BCKDHB: variants seen among roughly 807,000 people sequenced by gnomAD.
BCKDHB encodes the protein branched chain keto acid dehydrogenase E1 subunit beta.
In BCKDHB, 41 loss-of-function variants were observed where a neutral mutation model predicts 48.5. The ratio of observed to expected loss-of-function variants is 0.85; its 90% CI spans 0.66 to 1.10. The LOEUF is 1.10. BCKDHB is among the 50% of genes least tolerant of loss of function. The pLI is 0.00. For missense variants in BCKDHB, 496 were observed against 494.2 expected, an observed-to-expected ratio of 1.00 and a Z score of -0.03; for synonymous variants, 201 against 174.8, an observed-to-expected ratio of 1.15 and a Z score of -1.18.
At chr6:80,129,276 A>G (rs1444582107) in intron 3 of BCKDHB, 47 bp downstream of exon 3, 1 of 1,484,292 alleles carries the variant, frequency 6.7e-7, no homozygotes, top group Non-Finnish European at 9.4e-7. Context: ...ACTTTTACTA[A>G]AAGATCTTAA....
At chr6:80,383,910 T>A in the BCKDHB span, among the ~76,000 whole-genome samples, 1 of 152,114 alleles carries the variant, frequency 6.6e-6, no homozygotes, top group Admixed American at 6.6e-5. Flanking sequence ...AATAAGAAAA[T>A]AGATATTAAA....
chr6:80,300,473 A>G (rs998660793), intron 9 of BCKDHB, among the ~76,000 whole-genome samples: 2 of 152,232 alleles, frequency 1.3e-5, no homozygotes, highest in African/African-American at 2.4e-5. Context: ...TCCTAAATGT[A>G]TACATACCCA....
chr6:80,213,501 C>T (rs1299380107), intron 8 of BCKDHB, among the ~76,000 whole-genome samples: 10 of 151,954 alleles, frequency 6.6e-5, no homozygotes, highest in Admixed American at 2.0e-4. Context: ...TGGGTCTGTC[C>T]TGAATTTCGT....
At chr6:80,392,242 C>T in the BCKDHB span, among the ~76,000 whole-genome samples, 1 of 152,136 alleles carries the variant, frequency 6.6e-6, no homozygotes, top group South Asian at 2.1e-4. Flanking sequence ...GATCCACCCA[C>T]CTCGGCCTCC....
intron 9 of BCKDHB, among the ~76,000 whole-genome samples, chr6:80,332,313 G>A (rs1005233606): frequency 6.6e-6 from 1 of 152,104 alleles, no homozygotes; most frequent in Non-Finnish European, 1.5e-5. Flanking sequence ...TACATTTTAA[G>A]GTTAATTTAA....
intron 3 of BCKDHB, among the ~76,000 whole-genome samples, chr6:80,142,069 G>T (rs1329857396): frequency 6.6e-6 from 1 of 151,924 alleles, no homozygotes; most frequent in African/African-American, 2.4e-5. Flanking sequence ...CAAGACCAGT[G>T]AATTTTCATT....
intron 9 of BCKDHB, among the ~76,000 whole-genome samples, chr6:80,304,819 C>A (rs1221782284): frequency 6.6e-6 from 1 of 152,018 alleles, no homozygotes; most frequent in African/African-American, 2.4e-5. Context: ...GAAAACTATA[C>A]CATTTCAGTG....
the BCKDHB span, among the ~76,000 whole-genome samples, chr6:80,424,457 G>C: frequency 1.3e-5 from 2 of 152,010 alleles, no homozygotes; most frequent in African/African-American, 4.8e-5. Context: ...ATATAACCCA[G>C]ATTAATGCAA....
the BCKDHB span, among the ~76,000 whole-genome samples, chr6:80,351,645 C>T: frequency 0.2 from 24,512 of 121,916 alleles, 2,865 homozygotes; most frequent in South Asian, 0.36. Context: ...TTTTTTTTTT[C>T]TTTTTTTTTT....
intron 8 of BCKDHB, among the ~76,000 whole-genome samples, chr6:80,262,348 T>C (rs1469883699): frequency 6.6e-6 from 1 of 152,124 alleles, no homozygotes; most frequent in East Asian, 1.9e-4. Flanking sequence ...CTGAATTTTT[T>C]TGACCGTGGT....
chr6:80,461,442 A>C, the BCKDHB span, among the ~76,000 whole-genome samples: 1 of 151,964 alleles, frequency 6.6e-6, no homozygotes, highest in Non-Finnish European at 1.5e-5. Flanking sequence ...ACTGCCTTAG[A>C]CTCCTAACTG....
At chr6:80,453,254 A>G in the BCKDHB span, 56 of 152,290 alleles carry the variant, frequency 3.7e-4, no homozygotes, top group African/African-American at 1.3e-3. Context: ...AGCAGCAAAG[A>G]GAAGATGGTA....
At chr6:80,395,743 A>G in the BCKDHB span, among the ~76,000 whole-genome samples, 3 of 152,164 alleles carry the variant, frequency 2.0e-5, no homozygotes, top group Admixed American at 1.3e-4. Context: ...GAGAACCTCA[A>G]TGCAGCCCCT....
rs775798472 is a variant in BCKDHB at position 80,200,919 on chromosome 6, C to G, written c.743-15C>G. 6.4e-7 allele frequency: 1 copy of G among 1,557,540 alleles called. No individual in the cohort carries two copies. Among genetic ancestry groups the G allele is most frequent in the East Asian group, 2.3e-5 (1 of 44,426 alleles). On this transcript the variant is annotated splice_polypyrimidine_tract_variant and intron_variant, in intron 6 of 9. Transcript: ENST00000320393. ...GAAAAAATGTCCTTTTTTTTTTTTC[C>G]TGTTCTGTATTTAGCGGAAGAAGTC... is the stretch of plus-strand genomic sequence containing the variant.
chr6:80,173,833 G>A (rs1773031380), intron 6 of BCKDHB, among the ~76,000 whole-genome samples: 1 of 143,652 alleles, frequency 7.0e-6, no homozygotes, highest in African/African-American at 2.6e-5. Flanking sequence ...TTCTGACCCT[G>A]ATTCTGTAAT....
chr6:80,464,351 A>G, the BCKDHB span, among the ~76,000 whole-genome samples: 1 of 151,294 alleles, frequency 6.6e-6, no homozygotes, highest in African/African-American at 2.4e-5. Flanking sequence ...CTGGTGTTGA[A>G]CTCCTTAGCT....
At chr6:80,197,184 A>C (rs1774170325) in intron 6 of BCKDHB, among the ~76,000 whole-genome samples, 1 of 152,208 alleles carries the variant, frequency 6.6e-6, no homozygotes, top group Non-Finnish European at 1.5e-5. Context: ...GTAGGAATGC[A>C]ACAAAGCTAA....
At chr6:80,357,474 C>A in the BCKDHB span, among the ~76,000 whole-genome samples, 1 of 152,082 alleles carries the variant, frequency 6.6e-6, no homozygotes, top group Admixed American at 6.5e-5. Context: ...TGATGCAGTC[C>A]CTAGGAGTCA....
At chr6:80,293,228 C>T (rs894765712) in intron 9 of BCKDHB, among the ~76,000 whole-genome samples, 25 of 152,206 alleles carry the variant, frequency 1.6e-4, no homozygotes, top group African/African-American at 4.1e-4. Context: ...CAGTTTCTCC[C>T]GGAGGGTTCT....
Sources: gnomAD v4.1 joint callset for allele counts (sites outside exome capture counted in the v4.1 genomes callset) on GRCh38, gnomAD v4.1.1 for gene constraint, MANE v1.5 for transcripts, NCBI Gene and HGNC (gene_info 2026-07-23, HGNC 2026-07-21) for gene names.